The following SLC9B1 variants were observed in gnomAD, a reference collection of about 807,000 sequenced individuals.
SLC9B1 encodes solute carrier family 9 member B1.
A neutral mutation model predicts 51.7 loss-of-function variants in SLC9B1; 32 were observed. That is an observed-to-expected ratio of 0.62 (90% confidence interval 0.47 to 0.83). SLC9B1 has a LOEUF of 0.83. Among genes scored for constraint, SLC9B1 ranks in the 40% least tolerant of loss-of-function variants. SLC9B1 has a pLI of 0.00. For missense variants in SLC9B1, 406 were observed against 613.2 expected (o/e 0.66, Z 3.57); for synonymous variants, 145 against 212.7 (o/e 0.68, Z 2.77).
chr4:102,926,095 C>T (rs1446635997), intron 7 of SLC9B1, among the ~76,000 whole-genome samples: 1 of 152,404 alleles, frequency 6.6e-6, no homozygotes, highest in Admixed American at 6.5e-5. Context: ...TGGGACGTAT[C>T]TCAAAATAAT....
chr4:102,941,596 G>A (rs1225629625), intron 6 of SLC9B1: 19 of 400,966 alleles, frequency 4.7e-5, no homozygotes, highest in Non-Finnish European at 5.9e-5. Flanking sequence ...GCTGAGATTG[G>A]GCCATTGTAC....
At chr4:102,896,075 C>G (rs1734520529), downstream of SLC9B1, among the ~76,000 whole-genome samples, 2 of 152,318 alleles carry the variant, frequency 1.3e-5, no homozygotes, top group Non-Finnish European at 1.5e-5. Flanking sequence ...ATCTGCCTGC[C>G]ACAGATAAAC....
rs1177628044 is a variant in SLC9B1, at chr4:102,943,557, C to T, written c.653+1636G>A. Among the ~76,000 whole-genome samples the T allele has an allele frequency of 2.0e-5, 3 of 147,502 alleles. No individual in the cohort carries two copies. In the East Asian group the frequency reaches 5.9e-4, roughly 29 times the overall value. On this transcript the variant is annotated intron_variant, in intron 6 of 11. Transcript: ENST00000296422. ...CACACACCATCGACAGAATACTACT[C>T]AGCCATAAAAAGGAATGAAATAATG...
intron 7 of SLC9B1, among the ~76,000 whole-genome samples, chr4:102,925,699 C>CAAAAAAAAAAAA (rs3974607): frequency 2.9e-5 from 4 of 137,370 alleles, no homozygotes; most frequent in Admixed American, 7.2e-5. Context: ...TTCTTTTGTC[C>CAAAAAAAAAAAA]AAAAAAAAAA....
chr4:102,941,329 C>T (rs1736984111), intron 6 of SLC9B1: 2 of 278,598 alleles, frequency 7.2e-6, no homozygotes, highest in South Asian at 6.0e-5. Context: ...ATTAAATGGG[C>T]AAAGGAGAGG....
At chr4:102,923,038 A>G (rs1475232600) in intron 7 of SLC9B1, among the ~76,000 whole-genome samples, 2 of 152,134 alleles carry the variant, frequency 1.3e-5, no homozygotes, top group African/African-American at 4.8e-5. Context: ...AAAAGAGAGA[A>G]TCCTCCCTAA....
chr4:102,893,281 CAA>C (rs58316456), intron 11 of SLC9B1, among the ~76,000 whole-genome samples: 18 of 35,164 alleles, frequency 5.1e-4, no homozygotes, highest in East Asian at 3.2e-3. Context: ...GACTCCATCT[CAA>C]AAAAAAAAAA....
At chr4:102,984,775 C>T (rs751401811) in intron 3 of SLC9B1, among the ~76,000 whole-genome samples, 66 of 152,282 alleles carry the variant, frequency 4.3e-4, no homozygotes, top group Non-Finnish European at 8.2e-4. Context: ...CTGTCCATTT[C>T]GGATAGACAG....
In SLC9B1 at chr4:102,911,512, G is replaced by A. The variant is rs773668483; in HGVS notation, c.855C>T (p.Ala285=). 4 of 1,595,996 alleles carry A rather than the reference G, an allele frequency of 2.5e-6. No individual in the cohort carries two copies. Among genetic ancestry groups the A allele is most frequent in the Admixed American group, 1.7e-5 (1 of 59,784 alleles). Residue 285 remains alanine (A), a synonymous_variant, in exon 8 of 12, where the codon GCC becomes GCT. Transcript: ENST00000296422. Reference sequence around the variant, plus strand: ...GACTAATACATACGTTCCTTATAGAGGCTATGGCGTTATTAAGTATACCAC... The same window carrying A: ...GACTAATACATACGTTCCTTATAGAAGCTATGGCGTTATTAAGTATACCAC... ...SSGGILNNAI[A]SIRNVCISLL... is the part of the protein sequence containing the mutation.
intron 11 of SLC9B1, chr4:102,888,773 G>C (rs1417139644): frequency 2.6e-5 from 4 of 152,242 alleles, no homozygotes; most frequent in African/African-American, 9.6e-5. Flanking sequence ...CTCCGCCTCT[G>C]CTGGGCTCTG....
At chr4:102,945,473 T>C (rs545188012) in intron 5 of SLC9B1, among the ~76,000 whole-genome samples, 153 bp from the exon 6 acceptor site, 1 of 152,304 alleles carries the variant, frequency 6.6e-6, no homozygotes, top group African/African-American at 2.4e-5. Flanking sequence ...CTTTGAACTC[T>C]ATTACATTTT....
At chr4:103,002,155 G>A (rs1740557176) in intron 1 of SLC9B1, among the ~76,000 whole-genome samples, 1 of 152,170 alleles carries the variant, frequency 6.6e-6, no homozygotes, top group African/African-American at 2.4e-5. Flanking sequence ...AACACGTGGG[G>A]ATTCCAATTC....
intron 3 of SLC9B1, chr4:102,962,891 G>T (rs1738213701): frequency 2.1e-6 from 1 of 469,784 alleles, no homozygotes; most frequent in South Asian, 1.5e-5. Context: ...CATAATAGAT[G>T]TTGGTTACAA....
rs1409538678 is a variant in SLC9B1 at position 102,949,262 on chromosome 4, A to G, written c.377T>C (p.Leu126Pro). ...AGAGCTAATTATATACTTACCAAGAAGAGGTGGAAGTGGAGGCACTAAAGG... is the reference window on the plus strand; with the variant it reads ...AGAGCTAATTATATACTTACCAAGAGGAGGTGGAAGTGGAGGCACTAAAGG... Reference protein sequence around the residue: ...RIPLVPPLPPLLGMLLAGFTI... With the variant: ...RIPLVPPLPPPLGMLLAGFTI... Residue 126 changes from leucine (L) to proline (P), a missense_variant, in exon 4 of 12, where the codon CTT (leucine) becomes CCT (proline). This residue lies in a region of SLC9B1 where 250 missense variants were observed against 394.1 expected (regional missense o/e 0.63). Transcript: ENST00000296422. The G allele has an allele frequency of 1.9e-6, 3 of 1,578,484 alleles. No individual in the cohort carries two copies. The highest frequency in any genetic ancestry group is 2.6e-6 in the Non-Finnish European group (3 of 1,165,926).
intron 4 of SLC9B1, among the ~76,000 whole-genome samples, chr4:102,947,966 A>AGTGATGGTGGTTATAGGG (rs1553982836): frequency 6.6e-6 from 1 of 150,962 alleles, no homozygotes; most frequent in Non-Finnish European, 1.5e-5. Context: ...TGAATCCATG[A>AGTGATGGTGGTTATAGGG]GTGATGGTGG....
At chr4:102,936,745 G>C (rs1736742760) in intron 6 of SLC9B1, among the ~76,000 whole-genome samples, 3 of 152,264 alleles carry the variant, frequency 2.0e-5, no homozygotes, top group Admixed American at 2.0e-4. Flanking sequence ...AGAAATCTGA[G>C]ATTATGTAAA....
At chr4:103,019,149 G>A (rs1042400141) in intron 1 of SLC9B1, among the ~76,000 whole-genome samples, 8 of 152,108 alleles carry the variant, frequency 5.3e-5, no homozygotes, top group African/African-American at 1.4e-4. Flanking sequence ...ATTAAGGGGC[G>A]TGGATGTGGG....
intron 6 of SLC9B1, among the ~76,000 whole-genome samples, chr4:102,933,245 C>T (rs996466188): frequency 6.6e-6 from 1 of 152,140 alleles, no homozygotes; most frequent in Non-Finnish European, 1.5e-5. Flanking sequence ...AGGTTGTGCA[C>T]CCCTCTACTT....
At chr4:103,017,440 G>GAA (rs1741433354) in intron 1 of SLC9B1, among the ~76,000 whole-genome samples, 1 of 151,970 alleles carries the variant, frequency 6.6e-6, no homozygotes, top group Non-Finnish European at 1.5e-5. Context: ...GATTTCCATG[G>GAA]CCTATTCAAA....
Sources: gnomAD v4.1 joint callset for allele counts (sites outside exome capture counted in the v4.1 genomes callset) on GRCh38, gnomAD v4.1.1 for gene constraint, gnomAD v4.1.1 regional missense constraint, MANE v1.5 for transcripts, NCBI Gene and HGNC (gene_info 2026-07-23, HGNC 2026-07-21) for gene names.